The following GALNT13 variants were observed in gnomAD, a reference collection of about 807,000 sequenced individuals.
The protein encoded by GALNT13 is UDP-GalNAc:polypeptide N-acetylgalactosaminyltransferase 13.
Under a neutral mutation model 64.2 loss-of-function variants are expected in GALNT13, and 28 were observed. The ratio of observed to expected loss-of-function variants is 0.44; its 90% CI spans 0.32 to 0.60. The LOEUF is 0.60. GALNT13 is among the 20% of genes least tolerant of loss of function. The pLI, the probability that GALNT13 is intolerant of heterozygous loss-of-function variation, is 0.05. For synonymous variants in GALNT13, 214 were observed against 224.6 expected, an observed-to-expected ratio of 0.95 and a Z score of 0.42; for missense variants, 577 against 669.8, an observed-to-expected ratio of 0.86 and a Z score of 1.53.
chr2:153,937,811 T>C (rs1264696049), intron 2 of GALNT13, among the ~76,000 whole-genome samples: 1 of 152,168 alleles, frequency 6.6e-6, no homozygotes, highest in African/African-American at 2.4e-5. Context: ...GGCCAACCTA[T>C]ACCAAATGCT....
chr2:154,275,649 G>C (rs1025563245), intron 8 of GALNT13, among the ~76,000 whole-genome samples: 6 of 152,144 alleles, frequency 3.9e-5, no homozygotes, highest in African/African-American at 1.4e-4. Flanking sequence ...CCTCTTGCTA[G>C]GGCAGTGTGG....
the GALNT13 span, among the ~76,000 whole-genome samples, chr2:153,269,890 A>C: frequency 6.6e-6 from 1 of 152,186 alleles, no homozygotes; most frequent in African/African-American, 2.4e-5. Flanking sequence ...ACTCACTATC[A>C]TAAGAACAGT....
chr2:153,542,356 AC>A, the GALNT13 span, among the ~76,000 whole-genome samples: 14 of 62,490 alleles, frequency 2.2e-4, no homozygotes, highest in South Asian at 2.3e-3. Context: ...ACACACACAC[AC>A]ACAAAAAAAA....
chr2:153,716,719 C>T, the GALNT13 span, among the ~76,000 whole-genome samples: 1 of 151,226 alleles, frequency 6.6e-6, no homozygotes. Flanking sequence ...TGAATACTAT[C>T]CCACTTAACA....
the GALNT13 span, among the ~76,000 whole-genome samples, chr2:153,164,161 G>A: frequency 1.3e-5 from 2 of 151,846 alleles, no homozygotes; most frequent in Admixed American, 6.6e-5. Context: ...TTGAAAAATT[G>A]GAATGGTAAA....
At chr2:153,147,048 G>T in the GALNT13 span, among the ~76,000 whole-genome samples, 2 of 151,832 alleles carry the variant, frequency 1.3e-5, no homozygotes, top group Non-Finnish European at 2.9e-5. Flanking sequence ...CTGAAGAATA[G>T]GTTAGTAGTA....
the GALNT13 span, among the ~76,000 whole-genome samples, chr2:153,386,595 G>C: frequency 6.6e-6 from 1 of 151,980 alleles, no homozygotes; most frequent in African/African-American, 2.4e-5. Context: ...AAGTCACCCA[G>C]GGAGAAGCAA....
At chr2:153,446,702 T>C in the GALNT13 span, 1 of 152,178 alleles carries the variant, frequency 6.6e-6, no homozygotes, top group Admixed American at 6.6e-5. Context: ...TTTTTCAGAA[T>C]TTTTTGCCTA....
At chr2:154,109,521 G>A (rs1163809580) in intron 3 of GALNT13, among the ~76,000 whole-genome samples, 1 of 151,890 alleles carries the variant, frequency 6.6e-6, no homozygotes, top group Admixed American at 6.6e-5. Context: ...TTTAATAGAG[G>A]TGGTAAGAGT....
the GALNT13 span, among the ~76,000 whole-genome samples, chr2:153,135,860 AAG>A: frequency 2.0e-5 from 3 of 152,076 alleles, no homozygotes; most frequent in South Asian, 6.2e-4. Flanking sequence ...AATAATAAAA[AAG>A]AATTAATTTT....
chr2:153,493,228 T>C, the GALNT13 span, among the ~76,000 whole-genome samples: 1 of 151,982 alleles, frequency 6.6e-6, no homozygotes, highest in East Asian at 1.9e-4. Context: ...AGAAACCTGG[T>C]TCTTTGAAGA....
intron 4 of GALNT13, among the ~76,000 whole-genome samples, chr2:154,162,650 G>A (rs939787759): frequency 1.3e-5 from 2 of 152,162 alleles, no homozygotes; most frequent in Non-Finnish European, 2.9e-5. Flanking sequence ...TGCATTATTT[G>A]TGTCTTATAA....
intron 4 of GALNT13, among the ~76,000 whole-genome samples, chr2:154,223,891 G>C (rs1299781057): frequency 2.0e-5 from 3 of 152,016 alleles, no homozygotes; most frequent in Non-Finnish European, 2.9e-5. Context: ...CTGAAGCTCA[G>C]GGCATTTATG....
At chr2:154,149,739 G>T (rs1471317838) in intron 4 of GALNT13, among the ~76,000 whole-genome samples, 2 of 152,022 alleles carry the variant, frequency 1.3e-5, no homozygotes, top group Admixed American at 6.6e-5. Context: ...GTCTGTTATT[G>T]GTGTATAAGA....
the GALNT13 span, among the ~76,000 whole-genome samples, chr2:153,799,449 A>G: frequency 6.6e-6 from 1 of 152,148 alleles, no homozygotes; most frequent in East Asian, 1.9e-4. Flanking sequence ...TGTATATGCT[A>G]ATAAAACTGG....
intron 7 of GALNT13, among the ~76,000 whole-genome samples, chr2:154,248,330 T>C (rs1325395037): frequency 6.6e-6 from 1 of 152,098 alleles, no homozygotes. Context: ...ATGGAGTTTG[T>C]GAAATACTTG....
chr2:153,550,076 C>T, the GALNT13 span, among the ~76,000 whole-genome samples: 1 of 152,182 alleles, frequency 6.6e-6, no homozygotes, highest in African/African-American at 2.4e-5. Context: ...ACATGGAGGT[C>T]ATTCCTTTCT....
At chr2:153,574,622 T>G in the GALNT13 span, among the ~76,000 whole-genome samples, 3 of 152,282 alleles carry the variant, frequency 2.0e-5, no homozygotes, top group East Asian at 5.8e-4. Flanking sequence ...GCCTTATTGA[T>G]GTTGCCATTA....
the GALNT13 span, among the ~76,000 whole-genome samples, chr2:153,551,301 G>A: frequency 6.6e-6 from 1 of 152,184 alleles, no homozygotes; most frequent in African/African-American, 2.4e-5. Context: ...GGATCTGGAT[G>A]GGGTATCTTC....
Sources: gnomAD v4.1 joint callset for allele counts (sites outside exome capture counted in the v4.1 genomes callset) on GRCh38, gnomAD v4.1.1 for gene constraint, MANE v1.5 for transcripts, NCBI Gene and HGNC (gene_info 2026-07-23, HGNC 2026-07-21) for gene names.